COBL: variants seen among roughly 807,000 people sequenced by gnomAD.
COBL encodes protein cordon-bleu.
In COBL, 51 loss-of-function variants were observed where a neutral mutation model predicts 98.8. The observed-to-expected ratio is 0.52, with a 90% CI of 0.41 to 0.65. The LOEUF (loss-of-function observed/expected upper bound fraction) is 0.65, where lower values mean the gene tolerates loss of function less well. Among genes scored for constraint, COBL ranks in the 30% least tolerant of loss-of-function variants. COBL has a pLI of 0.00. For synonymous variants in COBL, 634 were observed against 651.7 expected, an observed-to-expected ratio of 0.97 and a Z score of 0.41; for missense variants, 1,617 against 1,617.5, an observed-to-expected ratio of 1.00 and a Z score of 0.01.
At chr7:51,022,075 C>T (rs868219880) in intron 12 of COBL, among the ~76,000 whole-genome samples, 4 of 152,046 alleles carry the variant, frequency 2.6e-5, no homozygotes, top group African/African-American at 4.8e-5. Flanking sequence ...TGTGATAAAG[C>T]GTCAAGTGTA....
chr7:51,234,018 A>G (rs991154611), intron 1 of COBL, among the ~76,000 whole-genome samples: 6 of 152,254 alleles, frequency 3.9e-5, no homozygotes, highest in African/African-American at 1.4e-4. Context: ...TTCTACACTG[A>G]AAGATACTTT....
intron 1 of COBL, among the ~76,000 whole-genome samples, chr7:51,294,657 A>C (rs908301794): frequency 1.3e-5 from 2 of 151,682 alleles, no homozygotes; most frequent in South Asian, 2.1e-4. Flanking sequence ...AAAAAAAAAA[A>C]AAAAACCATT....
chr7:51,220,287 C>T lies in COBL; in HGVS notation c.42-343G>A, dbSNP rs112052067. 2.2e-4 allele frequency among the ~76,000 whole-genome samples: 33 copies of T among 152,200 alleles called. 1 individual carries two copies. Among genetic ancestry groups the T allele is most frequent in the African/African-American group, 7.5e-4 (31 of 41,548 alleles). On this transcript the variant is annotated intron_variant, in intron 1 of 12. Coordinates refer to ENST00000265136, the MANE Select transcript of COBL (RefSeq NM_015198.5). ...ATTGTCACAGGGATGACACATCACA[C>T]GAATTAATGATCACAATGAATCAGG... is the stretch of plus-strand genomic sequence containing the variant.
intron 12 of COBL, among the ~76,000 whole-genome samples, chr7:51,022,110 T>C (rs1245080051): frequency 1.3e-5 from 2 of 152,054 alleles, no homozygotes; most frequent in Non-Finnish European, 2.9e-5. Flanking sequence ...TCACCGGGCA[T>C]GGTAGTGATA....
intron 2 of COBL, among the ~76,000 whole-genome samples, chr7:51,219,375 C>A (rs1245680796): frequency 6.6e-6 from 1 of 152,158 alleles, no homozygotes; most frequent in Admixed American, 6.5e-5. Flanking sequence ...CTCCTGGCTG[C>A]GTCCCTTCAG....
At chr7:51,096,603 C>T (rs1436114839) in intron 6 of COBL, among the ~76,000 whole-genome samples, 6 of 151,692 alleles carry the variant, frequency 4.0e-5, no homozygotes, top group Admixed American at 3.3e-4. Context: ...ATTGACTACC[C>T]TTAGTTACAG....
At chr7:51,293,325 T>C (rs1801088022) in intron 1 of COBL, among the ~76,000 whole-genome samples, 1 of 152,236 alleles carries the variant, frequency 6.6e-6, no homozygotes, top group African/African-American at 2.4e-5. Flanking sequence ...AATAGCTTTA[T>C]TTGTAATAGC....
intron 1 of COBL, among the ~76,000 whole-genome samples, chr7:51,225,198 A>C (rs192357510): frequency 6.6e-6 from 1 of 152,340 alleles, no homozygotes; most frequent in Non-Finnish European, 1.5e-5. Context: ...CAGCCTGGGA[A>C]AGAATGGCTG....
chr7:51,294,627 G>A (rs1232330432), intron 1 of COBL, among the ~76,000 whole-genome samples: 1 of 132,822 alleles, frequency 7.5e-6, no homozygotes, highest in African/African-American at 2.9e-5. Flanking sequence ...TGGGCGACAA[G>A]AGTGAAACTC....
At chr7:51,157,641 T>A (rs944092794) in intron 5 of COBL, among the ~76,000 whole-genome samples, 3 of 152,208 alleles carry the variant, frequency 2.0e-5, no homozygotes, top group Admixed American at 6.5e-5. Context: ...TCCTTATTTT[T>A]TCCCCCTCAA....
At chr7:51,211,224 G>A (rs1416541154) in intron 2 of COBL, among the ~76,000 whole-genome samples, 2 of 152,154 alleles carry the variant, frequency 1.3e-5, no homozygotes, top group Non-Finnish European at 2.9e-5. Flanking sequence ...ATCCTGATCT[G>A]CAGCTTTGCC....
intron 6 of COBL, among the ~76,000 whole-genome samples, chr7:51,113,058 T>C (rs980085097): frequency 6.6e-6 from 1 of 152,182 alleles, no homozygotes; most frequent in Non-Finnish European, 1.5e-5. Flanking sequence ...GTCTAGGGTG[T>C]GAAATGCACT....
At chr7:51,083,982 C>T (rs1248513039) in intron 7 of COBL, among the ~76,000 whole-genome samples, 1 of 152,094 alleles carries the variant, frequency 6.6e-6, no homozygotes, top group Non-Finnish European at 1.5e-5. Flanking sequence ...GGGGAGAGAG[C>T]TTGGAAGGGA....
chr7:51,197,723 C>T (rs1001292377), intron 2 of COBL, among the ~76,000 whole-genome samples: 3 of 152,076 alleles, frequency 2.0e-5, no homozygotes, highest in African/African-American at 7.2e-5. Context: ...ATATTTAAAA[C>T]AATTATGTCT....
In COBL at chr7:51,101,497, T is replaced by G. The variant is rs76816386; in HGVS notation, c.958-16193A>C. Reference sequence around the variant, plus strand: ...TCATACAAGTAATAAGTGAGCAGAGTGAGGATTTAGCTTTGGTTTGACTCT... The same window carrying G: ...TCATACAAGTAATAAGTGAGCAGAGGGAGGATTTAGCTTTGGTTTGACTCT... On this transcript the variant is annotated intron_variant, in intron 6 of 12. Coordinates refer to ENST00000265136, the MANE Select transcript of COBL (RefSeq NM_015198.5). Among the ~76,000 whole-genome samples the G allele has an allele frequency of 8.1e-4, 124 of 152,326 alleles. 1 individual carries two copies. The highest frequency in any genetic ancestry group is 2.8e-3 in the African/African-American group (115 of 41,562).
chr7:51,258,173 A>G (rs1233049755), intron 1 of COBL, among the ~76,000 whole-genome samples: 4 of 152,264 alleles, frequency 2.6e-5, no homozygotes, highest in Non-Finnish European at 5.9e-5. Context: ...CTATTATTTA[A>G]AAGTGTATAA....
At chr7:51,070,420 C>CACACACACACACACACACACACACAA (rs1792417727) in intron 7 of COBL, among the ~76,000 whole-genome samples, 2 of 152,134 alleles carry the variant, frequency 1.3e-5, no homozygotes, top group Admixed American at 1.3e-4. Context: ...CACACACACA[C>CACACACACACACACACACACACACAA]ACACAAAATT....
In COBL at chr7:51,017,061, A is replaced by C. The variant is rs1164951459; in HGVS notation, c.*490T>G. ...CTCCCAATTTTTTTTTCTTACTACC[A>C]AAACACACAGCATCATGGAGCATAT... On this transcript the variant is annotated 3_prime_UTR_variant, in exon 13 of 13. Coordinates refer to ENST00000265136, the MANE Select transcript of COBL (RefSeq NM_015198.5). The C allele has an allele frequency of 5.0e-6, 2 of 402,694 alleles. No individual in the cohort carries two copies. The highest frequency in any genetic ancestry group is 8.7e-6 in the Non-Finnish European group (2 of 228,740). 24.9% of individuals were successfully genotyped at this position (402,694 alleles called of 1,614,324 possible).
chr7:51,217,289 A>G (rs1046657490), intron 2 of COBL, among the ~76,000 whole-genome samples: 1 of 149,910 alleles, frequency 6.7e-6, no homozygotes, highest in Non-Finnish European at 1.5e-5. Flanking sequence ...AACTGGATCC[A>G]TGGACTGCAG....
Sources: allele counts gnomAD v4.1 joint callset (sites outside exome capture counted in the v4.1 genomes callset), GRCh38; gene constraint gnomAD v4.1.1; transcripts MANE v1.5; gene names NCBI Gene and HGNC (gene_info 2026-07-23, HGNC 2026-07-21).